Variants in CCDC85C observed in about 807,000 individuals in gnomAD.
CCDC85C encodes coiled-coil domain containing 85C, also known as coiled-coil domain-containing protein 85C.
In CCDC85C, 18 loss-of-function variants were observed where a neutral mutation model predicts 38.3. The observed-to-expected ratio is 0.47, with a 90% confidence interval of 0.33 to 0.70. The LOEUF is 0.70. CCDC85C is among the 30% of genes least tolerant of loss of function. CCDC85C has a pLI of 0.03. For synonymous variants in CCDC85C, 264 were observed against 293.8 expected, an observed-to-expected ratio of 0.90 and a Z score of 1.04; for missense variants, 566 against 621.2, an observed-to-expected ratio of 0.91 and a Z score of 0.94.
chr14:99,591,040 A>T (rs1261689064), intron 1 of CCDC85C, among the ~76,000 whole-genome samples: 4 of 152,222 alleles, frequency 2.6e-5, no homozygotes, highest in Admixed American at 2.6e-4. Flanking sequence ...GGAAGACGGC[A>T]GCACAGAGGA....
At position 99,569,292 on chromosome 14, in the gene CCDC85C, C is replaced by T. The variant is rs1334674803; in HGVS notation, c.794-33204G>A. ...GGAACCAAGAAACAGAACCACATGA[C>T]ACAGGGCTCTGGTTTCTGAAGCACT... On this transcript the variant is annotated intron_variant, in intron 1 of 5. Coordinates refer to ENST00000380243, the MANE Select transcript of CCDC85C (RefSeq NM_001144995.2). The surrounding 1 kb of genome is among the most constrained non-coding windows in gnomAD (Gnocchi z 4.3). 6.6e-6 allele frequency among the ~76,000 whole-genome samples: 1 copy of T among 152,212 alleles called. No individual in the cohort carries two copies. The highest frequency in any genetic ancestry group is 1.5e-5 in the Non-Finnish European group (1 of 68,032).
chr14:99,529,592 C>G (rs745371176), intron 2 of CCDC85C, among the ~76,000 whole-genome samples: 2 of 152,090 alleles, frequency 1.3e-5, no homozygotes, highest in Non-Finnish European at 2.9e-5. Context: ...TTAGTAGAGA[C>G]GAGGTTTCAC....
chr14:99,518,177 G>A (rs1307693040), intron 3 of CCDC85C, among the ~76,000 whole-genome samples: 2 of 152,122 alleles, frequency 1.3e-5, no homozygotes, highest in South Asian at 2.1e-4. Flanking sequence ...ACCTAACACT[G>A]CAGGGCTGGG....
At chr14:99,530,211 C>T (rs1897466043) in intron 2 of CCDC85C, among the ~76,000 whole-genome samples, 2 of 152,196 alleles carry the variant, frequency 1.3e-5, no homozygotes, top group South Asian at 4.1e-4. Flanking sequence ...GCGAGACTGA[C>T]CATCTGTTCA....
intron 1 of CCDC85C, among the ~76,000 whole-genome samples, chr14:99,597,694 C>T (rs1005156517): frequency 9.2e-5 from 14 of 152,190 alleles, no homozygotes; most frequent in Non-Finnish European, 1.6e-4. Flanking sequence ...TTGCAGGCCC[C>T]GGATTCTCAA....
At chr14:99,575,052 C>T (rs1462559273) in intron 1 of CCDC85C, among the ~76,000 whole-genome samples, 1 of 152,152 alleles carries the variant, frequency 6.6e-6, no homozygotes, top group Non-Finnish European at 1.5e-5. Context: ...CAGAGGGTGG[C>T]CTTTTGGATG....
At chr14:99,551,040 A>G (rs567626453) in intron 1 of CCDC85C, among the ~76,000 whole-genome samples, 1 of 152,372 alleles carries the variant, frequency 6.6e-6, no homozygotes, top group Admixed American at 6.5e-5. Flanking sequence ...TATCACCCAT[A>G]CAGCGCATAG....
At position 99,539,785 on chromosome 14, in the gene CCDC85C, T is replaced by G. The variant is rs557717033; in HGVS notation, c.794-3697A>C. Among the ~76,000 whole-genome samples the G allele has an allele frequency of 3.9e-5, 6 of 152,374 alleles. No individual in the cohort carries two copies. In the East Asian group the frequency reaches 9.6e-4, roughly 24 times the overall value. ...ATGAGGGAACCAGTGGGTTTTTATT[T>G]ATTCACATCGTTTCTTGTTAATTTT... is the stretch of plus-strand genomic sequence containing the variant. On this transcript the variant is annotated intron_variant, in intron 1 of 5. Coordinates refer to ENST00000380243, the MANE Select transcript of CCDC85C (RefSeq NM_001144995.2).
intron 3 of CCDC85C, among the ~76,000 whole-genome samples, chr14:99,518,755 G>A (rs981213606): frequency 3.3e-5 from 5 of 152,196 alleles, no homozygotes; most frequent in African/African-American, 4.8e-5. Flanking sequence ...TACAGCCCCC[G>A]GCTCTAGGGG....
At chr14:99,594,808 G>A (rs2055126399) in intron 1 of CCDC85C, among the ~76,000 whole-genome samples, 1 of 152,202 alleles carries the variant, frequency 6.6e-6, no homozygotes, top group Non-Finnish European at 1.5e-5. Flanking sequence ...CACTGGTTCT[G>A]TCTGGATCGT....
chr14:99,573,249 G>C (rs901712410), intron 1 of CCDC85C, among the ~76,000 whole-genome samples: 1 of 152,196 alleles, frequency 6.6e-6, no homozygotes, highest in Non-Finnish European at 1.5e-5. Flanking sequence ...CCCTGCAGGG[G>C]ATTGAGCCAT....
intron 1 of CCDC85C, among the ~76,000 whole-genome samples, chr14:99,597,695 G>A (rs749751815): frequency 1.2e-4 from 18 of 152,110 alleles, no homozygotes; most frequent in South Asian, 2.1e-4. Flanking sequence ...TGCAGGCCCC[G>A]GATTCTCAAT....
chr14:99,596,818 A>G (rs2055147737), intron 1 of CCDC85C, among the ~76,000 whole-genome samples: 1 of 152,194 alleles, frequency 6.6e-6, no homozygotes, highest in African/African-American at 2.4e-5. Flanking sequence ...CCTAGATCCC[A>G]GACGCTGATC....
Position 99,569,562 on chromosome 14 carries a change from G to A in CCDC85C, c.794-33474C>T, listed in dbSNP as rs1184666217. On this transcript the variant is annotated intron_variant, in intron 1 of 5. Transcript: ENST00000380243. This position sits in a 1 kb window ranked among gnomAD's most constrained non-coding sequence, Gnocchi z 4.3. ...CCAGGAAGGCTTTGAACAGACAAGA[G>A]ACAGTGATTCAACGGTCCCAGGCCA... 1.3e-5 allele frequency among the ~76,000 whole-genome samples: 2 copies of A among 152,182 alleles called. No homozygotes were observed. Among genetic ancestry groups the A allele is most frequent in the Non-Finnish European group, 1.5e-5 (1 of 68,032 alleles).
At chr14:99,543,692 G>A (rs1897755526) in intron 1 of CCDC85C, among the ~76,000 whole-genome samples, 2 of 152,282 alleles carry the variant, frequency 1.3e-5, no homozygotes, top group South Asian at 2.1e-4. Flanking sequence ...AACAGGTCCA[G>A]GTACACCTGT....
rs1896865150 is a variant in CCDC85C, at chr14:99,502,704, T to C, written c.*12542A>G. ...TACCAATTTGTGTAAAATGTAATTG[T>C]TGGCTATCATTTAGACATCTGCCAC... On this transcript the variant is annotated 3_prime_UTR_variant, in exon 6 of 6. Coordinates refer to ENST00000380243, the MANE Select transcript of CCDC85C (RefSeq NM_001144995.2). 2 of 1,608,054 alleles carry C rather than the reference T, an allele frequency of 1.2e-6. No individual in the cohort carries two copies. The highest frequency in any genetic ancestry group is 4.5e-5 in the East Asian group (2 of 44,862).
intron 3 of CCDC85C, among the ~76,000 whole-genome samples, chr14:99,517,971 G>A: frequency 6.6e-6 from 1 of 152,180 alleles, no homozygotes; most frequent in South Asian, 2.1e-4. Context: ...AACACCCAGC[G>A]GTGCCCTGTG....
Position 99,558,825 on chromosome 14 carries a change from C to T in CCDC85C, c.794-22737G>A, listed in dbSNP as rs1019769835. 2.0e-4 allele frequency among the ~76,000 whole-genome samples: 31 copies of T among 152,232 alleles called. No homozygotes were observed. Among genetic ancestry groups the T allele is most frequent in the African/African-American group, 6.5e-4 (27 of 41,542 alleles). ...TGTGGTTTGAATCTGGGTCCTCACC[C>T]AATCTCATGTTGAATGTATCCCCAG... On this transcript the variant is annotated intron_variant, in intron 1 of 5. Transcript: ENST00000380243. This position sits in a 1 kb window ranked among gnomAD's most constrained non-coding sequence, Gnocchi z 4.2.
At position 99,560,415 on chromosome 14, in the gene CCDC85C, G is replaced by A. The variant is rs569878782; in HGVS notation, c.794-24327C>T. On this transcript the variant is annotated intron_variant, in intron 1 of 5. Transcript: ENST00000380243. The stretch of plus-strand genomic sequence containing the variant: ...ACTCAACGAGATCCCTGGGAGGGAT[G>A]ACTGCTCACAGCACCATCAGTGGAA... Among the ~76,000 whole-genome samples, 242 of 152,312 alleles carry A rather than the reference G, an allele frequency of 1.6e-3. 1 individual carries two copies. Among genetic ancestry groups the A allele is most frequent in the African/African-American group, 5.6e-3 (232 of 41,562 alleles).
Sources: allele counts gnomAD v4.1 joint callset (sites outside exome capture counted in the v4.1 genomes callset), GRCh38; gene constraint gnomAD v4.1.1; non-coding constraint Gnocchi (gnomAD v3.1); transcripts MANE v1.5; gene names NCBI Gene and HGNC (gene_info 2026-07-23, HGNC 2026-07-21).